AGAP2: variants seen among roughly 807,000 people sequenced by gnomAD.
AGAP2 encodes arf-GAP with GTPase, ANK repeat and PH domain-containing protein 2.
In AGAP2, 32 loss-of-function variants were observed where a neutral mutation model predicts 110.9. The ratio of observed to expected loss-of-function variants is 0.29; its 90% CI spans 0.22 to 0.39. The LOEUF (loss-of-function observed/expected upper bound fraction) is 0.39, where lower values mean the gene tolerates loss of function less well. AGAP2 is among the 10% of genes least tolerant of loss of function. The probability of loss-of-function intolerance (pLI) is 1.00; values close to 1 mark genes in which losing one functional copy is unlikely to be tolerated. For synonymous variants in AGAP2, 702 were observed against 713.0 expected (o/e 0.98, Z 0.25); for missense variants, 1,285 against 1,638.5 (o/e 0.78, Z 3.72).
At chr12:57,739,302 T>C (rs1285556466), upstream of AGAP2, among the ~76,000 whole-genome samples, 2 of 151,958 alleles carry the variant, frequency 1.3e-5, no homozygotes, top group Non-Finnish European at 2.9e-5. Flanking sequence ...TGAAATCCCT[T>C]CCCCCAGGAT....
rs2301553 is a variant in AGAP2 at position 57,734,056 on chromosome 12, C to T, written c.1519G>A (p.Gly507Ser). The change falls in exon 5 of 19, where the codon GGC (glycine) becomes AGC (serine). Residue 507 changes from glycine (G) to serine (S), a missense_variant. Physicochemically the swap from Gly to Ser is moderately conservative, Grantham distance 56. Transcript: ENST00000547588. Reference sequence around the variant, plus strand: ...GTCCCCACCAGTGCCAAGGCCAGGCCTCCTCGTCCCTCCCCGCGAAGGGAA... The same window carrying T: ...GTCCCCACCAGTGCCAAGGCCAGGCTTCCTCGTCCCTCCCCGCGAAGGGAA... Reference protein sequence around the residue: ...LSSLRGEGRGGLALALVGTQD... With the variant: ...LSSLRGEGRGSLALALVGTQD... The T allele has an allele frequency of 1.1e-3, 1,716 of 1,608,898 alleles. 66 individuals are homozygous for T. The East Asian group carries it at 0.038, about 36-fold the overall frequency.
chr12:57,738,141 C>A lies in AGAP2; in HGVS notation c.106G>T (p.Ala36Ser). Residue 36 changes from alanine to serine, a missense_variant, in exon 1 of 19, where the codon GCG (alanine) becomes TCG (serine). By Grantham distance (99) the Ala-to-Ser change is moderately conservative. Transcript: ENST00000547588. The surrounding 1 kb of genome is among the most constrained non-coding windows in gnomAD (Gnocchi z 6.7). ...SVPPPPPSPS[A>S]AAAGAAGARG... ...GCACCGGCGGCGCCGGCCGCGGCCG[C>A]AGACGGAGAAGGCGGCGGCGGAGGC... 1.3e-6 allele frequency: 2 copies of A among 1,522,650 alleles called. No homozygotes were observed. Among genetic ancestry groups the A allele is most frequent in the Non-Finnish European group, 1.8e-6 (2 of 1,140,408 alleles). The allele number at this position is 1,522,650 out of a possible 1,614,324, so 94.3% of individuals were successfully genotyped here.
At position 57,730,894 on chromosome 12, in the gene AGAP2, G is replaced by A; in HGVS notation, c.2205C>T (p.Val735=). 1.9e-6 allele frequency: 3 copies of A among 1,603,796 alleles called. No homozygotes were observed. In the Middle Eastern group the frequency reaches 5.0e-4, roughly 266 times the overall value. ...TGGCCCTCGGGGGCCGCTTGCCCGGGACTTTGACTGTTGTTCGCAGCAAGT... is the reference window on the plus strand; with the variant it reads ...TGGCCCTCGGGGGCCGCTTGCCCGGAACTTTGACTGTTGTTCGCAGCAAGT... ...EMDLLRTTVK[V]PGKRPPRAIS... The change falls in exon 11 of 19, where the codon GTC becomes GTT. Residue 735 remains valine, a synonymous_variant. Transcript: ENST00000547588.
Position 57,738,196 on chromosome 12 carries a change from G to T in AGAP2, c.51C>A (p.Ile17=). Residue 17 remains isoleucine, a synonymous_variant, in exon 1 of 19, where the codon ATC becomes ATA. Coordinates refer to ENST00000547588, the MANE Select transcript of AGAP2 (RefSeq NM_001122772.3). This position sits in a 1 kb window ranked among gnomAD's most constrained non-coding sequence, Gnocchi z 6.7. ...ACTCGAGCTTAACCAGGGTCAGCGA[G>T]ATGAGGTAGGTCGTTGTCCGGCGCT... ...ALQRRTTTYL[I]SLTLVKLESV... is the part of the protein sequence containing the mutation. 6.6e-7 allele frequency: 1 copy of T among 1,525,640 alleles called. No homozygotes were observed. The highest frequency in any genetic ancestry group is 8.8e-7 in the Non-Finnish European group (1 of 1,141,770). The allele number at this position is 1,525,640 out of a possible 1,614,324, so 94.5% of individuals were successfully genotyped here.
At chr12:57,735,923 C>G (rs1202730449) in intron 1 of AGAP2, among the ~76,000 whole-genome samples, 3 of 152,170 alleles carry the variant, frequency 2.0e-5, no homozygotes, top group Non-Finnish European at 2.9e-5. Flanking sequence ...TCAAGGTCAA[C>G]GGCACTGTAG....
At chr12:57,735,153 G>A (rs1371860638) in intron 2 of AGAP2, among the ~76,000 whole-genome samples, 1 of 152,080 alleles carries the variant, frequency 6.6e-6, no homozygotes, top group Non-Finnish European at 1.5e-5. Flanking sequence ...CAGGAAAAAG[G>A]GGATGGCTGC....
chr12:57,732,780 C>G, intron 6 of AGAP2, 65 bp downstream of exon 6: 2 of 1,601,416 alleles, frequency 1.2e-6, no homozygotes, highest in Non-Finnish European at 1.7e-6. Context: ...GGATGCCTGA[C>G]CACTGAGAAT....
At chr12:57,736,717 C>G (rs1954989069) in intron 1 of AGAP2, among the ~76,000 whole-genome samples, 1 of 152,222 alleles carries the variant, frequency 6.6e-6, no homozygotes, top group East Asian at 1.9e-4. Flanking sequence ...CCTTCAACGT[C>G]GCTCTAAACA....
chr12:57,742,112 G>C (rs752134145), upstream of AGAP2: 2 of 1,600,344 alleles, frequency 1.2e-6, no homozygotes, highest in Non-Finnish European at 1.7e-6. Context: ...ACCACCTCTG[G>C]CCCTGAGGCC....
chr12:57,727,264 G>T, intron 17 of AGAP2, 35 bp from the exon 18 acceptor site: 1 of 1,612,364 alleles, frequency 6.2e-7, no homozygotes, highest in South Asian at 1.1e-5. Context: ...AAGGCTCTAG[G>T]GACCCCCAGC....
Position 57,738,284 on chromosome 12 carries a change from C to A in AGAP2, c.-38G>T, listed in dbSNP as rs1024173705. Reference sequence around the variant, plus strand: ...CCCCCGAGCTGGGGAGGGGAGGGGACTCCCCCGGACTGCCTCAGGGGGGCC... The same window carrying A: ...CCCCCGAGCTGGGGAGGGGAGGGGAATCCCCCGGACTGCCTCAGGGGGGCC... On this transcript the variant is annotated 5_prime_UTR_variant, in exon 1 of 19. Coordinates refer to ENST00000547588, the MANE Select transcript of AGAP2 (RefSeq NM_001122772.3). The surrounding 1 kb of genome is among the most constrained non-coding windows in gnomAD (Gnocchi z 6.7). The A allele has an allele frequency of 1.4e-6, 2 of 1,453,424 alleles. No individual in the cohort carries two copies. Among genetic ancestry groups the A allele is most frequent in the African/African-American group, 3.0e-5 (2 of 66,994 alleles). 90.0% of individuals were successfully genotyped at this position (1,453,424 alleles called of 1,614,324 possible).
At chr12:57,735,344 T>C in intron 2 of AGAP2, 25 bp downstream of exon 2, 1 of 1,612,276 alleles carries the variant, frequency 6.2e-7, no homozygotes, top group Non-Finnish European at 8.5e-7. Flanking sequence ...GCCTTCCCTA[T>C]AGGCAAGGGG....
At position 57,731,872 on chromosome 12, in the gene AGAP2, C is replaced by G; in HGVS notation, c.1890G>C (p.Val630=). 1 of 1,609,072 alleles carries G rather than the reference C, an allele frequency of 6.2e-7. No individual in the cohort carries two copies. Among genetic ancestry groups the G allele is most frequent in the Non-Finnish European group, 8.5e-7 (1 of 1,177,920 alleles). Residue 630 remains valine, a synonymous_variant, in exon 8 of 19, where the codon GTG becomes GTC. Coordinates refer to ENST00000547588, the MANE Select transcript of AGAP2 (RefSeq NM_001122772.3). Reference sequence around the variant, plus strand: ...GGGACCCTGGGGTGCTCAATCCAGCCACTGCAGCTGCCTCGGCTCGGAGCT... The same window carrying G: ...GGGACCCTGGGGTGCTCAATCCAGCGACTGCAGCTGCCTCGGCTCGGAGCT... ...HRELRAEAAA[V]AGLSTPGSLH...
chr12:57,730,321 C>T, intron 12 of AGAP2, 174 bp downstream of exon 12: 1 of 960,810 alleles, frequency 1.0e-6, no homozygotes, highest in Non-Finnish European at 1.5e-6. Context: ...CGTTAGAGTC[C>T]ACTTGTCTTA....
intron 1 of AGAP2, 140 bp downstream of exon 1, chr12:57,736,939 C>T (rs1954992924): frequency 7.0e-7 from 1 of 1,426,476 alleles, no homozygotes; most frequent in Non-Finnish European, 9.2e-7. Flanking sequence ...TTGCCCCAAT[C>T]CTTGACAGAG....
chr12:57,733,688 T>A (rs1954927515), intron 5 of AGAP2, among the ~76,000 whole-genome samples: 1 of 152,222 alleles, frequency 6.6e-6, no homozygotes, highest in Non-Finnish European at 1.5e-5. Context: ...AGGTTTCCTA[T>A]CCACCCTAGG....
At position 57,737,527 on chromosome 12, in the gene AGAP2, G is replaced by T. The variant is rs763676884; in HGVS notation, c.720C>A (p.Ala240=). 2.2e-5 allele frequency: 35 copies of T among 1,563,024 alleles called. 1 individual carries two copies. In the Middle Eastern group the frequency reaches 8.3e-4, roughly 37 times the overall value. Residue 240 remains alanine, a synonymous_variant, in exon 1 of 19, where the codon GCC becomes GCA. Transcript: ENST00000547588. The surrounding 1 kb of genome is among the most constrained non-coding windows in gnomAD (Gnocchi z 5.9). ...TGASVSAAAT[A]AAAGGGGSTA... is the part of the protein sequence containing the mutation. ...TAGAGCCCCCTCCCCCGGCGGCGGC[G>T]GCGGTGGCGGCGGCAGAGACCGAAG...
chr12:57,741,396 G>T (rs1955074766), upstream of AGAP2, among the ~76,000 whole-genome samples: 1 of 152,182 alleles, frequency 6.6e-6, no homozygotes. Flanking sequence ...GTGTGTGAGA[G>T]TTAGTATGCG....
At chr12:57,734,288 C>G in intron 4 of AGAP2, 31 bp downstream of exon 4, 1 of 1,613,736 alleles carries the variant, frequency 6.2e-7, no homozygotes, top group East Asian at 2.2e-5. Context: ...CTGACCCCAG[C>G]CAGCCTGTCC....
Sources: allele counts gnomAD v4.1 joint callset (sites outside exome capture counted in the v4.1 genomes callset), GRCh38; gene constraint gnomAD v4.1.1; non-coding constraint Gnocchi (gnomAD v3.1); transcripts MANE v1.5; gene names NCBI Gene and HGNC (gene_info 2026-07-23, HGNC 2026-07-21).